Variants in CAPZA1 observed in about 807,000 individuals in gnomAD.
The protein encoded by CAPZA1 is F-actin-capping protein subunit alpha-1.
CAPZA1 carries 10 observed loss-of-function variants against 40.8 expected under a neutral mutation model. The ratio of observed to expected loss-of-function variants is 0.25; its 90% CI spans 0.15 to 0.42. The LOEUF (loss-of-function observed/expected upper bound fraction) is 0.42. Among genes scored for constraint, CAPZA1 ranks in the 10% least tolerant of loss-of-function variants. CAPZA1 has a pLI of 1.00. For missense variants in CAPZA1, 277 were observed against 353.8 expected, an observed-to-expected ratio of 0.78 and a Z score of 1.74; for synonymous variants, 98 against 115.0, an observed-to-expected ratio of 0.85 and a Z score of 0.95.
At chr1:112,620,674 G>A (rs1045987546) in intron 1 of CAPZA1, 1 of 152,222 alleles carries the variant, frequency 6.6e-6, no homozygotes, top group Admixed American at 6.5e-5. Context: ...ACTGAACAAA[G>A]CATCCTGCCT....
chr1:112,664,096 G>A (rs1174853200), intron 7 of CAPZA1, among the ~76,000 whole-genome samples: 1 of 152,038 alleles, frequency 6.6e-6, no homozygotes, highest in Non-Finnish European at 1.5e-5. Context: ...GCTGGCCATG[G>A]TGGCACGCAC....
intron 7 of CAPZA1, among the ~76,000 whole-genome samples, chr1:112,665,179 T>TG (rs1353307647): frequency 0.024 from 294 of 12,136 alleles, no homozygotes; most frequent in African/African-American, 0.038. Flanking sequence ...TTTTTTTGTG[T>TG]TTTTTTTTTT....
chr1:112,659,638 G>T, intron 6 of CAPZA1, 63 bp from the exon 7 acceptor site: 2 of 1,273,336 alleles, frequency 1.6e-6, no homozygotes, highest in South Asian at 1.3e-5. Context: ...GTACCTCAGT[G>T]GCAAATCACC....
chr1:112,636,410 C>A (rs908376345), intron 1 of CAPZA1, among the ~76,000 whole-genome samples: 2 of 151,960 alleles, frequency 1.3e-5, no homozygotes, highest in Non-Finnish European at 2.9e-5. Context: ...TTTAAATCCC[C>A]CCTTTTTAGG....
Position 112,667,137 on chromosome 1 carries a change from A to C in CAPZA1, c.649A>C (p.Thr217Pro), listed in dbSNP as rs1331497139. The change falls in exon 8 of 10, where the codon ACT (threonine) becomes CCT (proline). Residue 217 changes from threonine (T) to proline (P), a missense_variant. Coordinates refer to ENST00000263168, the MANE Select transcript of CAPZA1 (RefSeq NM_006135.3). ...VSHKDVQDSL[T>P]VSNEAQTAKE... ...TCATAAAGATGTACAGGATTCACTA[A>C]CTGTTTCGGTGAGTATGGAATATTT... The C allele has an allele frequency of 6.2e-7, 1 of 1,605,320 alleles. No homozygotes were observed.
Position 112,659,050 on chromosome 1 carries a change from A to T in CAPZA1, c.455A>T (p.Gln152Leu). The T allele has an allele frequency of 5.0e-6, 8 of 1,613,666 alleles. No individual in the cohort carries two copies. The highest frequency in any genetic ancestry group is 6.8e-6 in the Non-Finnish European group (8 of 1,179,658). The change falls in exon 6 of 10, where the codon CAG becomes CTG. Residue 152 changes from glutamine (Q) to leucine (L), a missense_variant. Physicochemically the swap from Gln to Leu is moderately radical, Grantham distance 113 (BLOSUM62 -2). Transcript: ENST00000263168. ...TVYAKTIDGQ[Q>L]TIIACIESHQ... ...TATGCTAAAACTATCGATGGGCAAC[A>T]GACTATTATTGCATGTATTGAAAGC...
intron 1 of CAPZA1, among the ~76,000 whole-genome samples, chr1:112,639,699 T>TAA (rs202231640): frequency 2.7e-5 from 4 of 148,652 alleles, no homozygotes; most frequent in African/African-American, 9.8e-5. Flanking sequence ...CCTTTCATCT[T>TAA]AAAAAAAAAA....
intron 2 of CAPZA1, among the ~76,000 whole-genome samples, chr1:112,648,422 C>A (rs1234106410): frequency 7.1e-6 from 1 of 139,892 alleles, no homozygotes; most frequent in Admixed American, 7.8e-5. Flanking sequence ...GATCTTGGCT[C>A]ACTGGAACCC....
At chr1:112,640,250 G>A (rs1570709290) in intron 1 of CAPZA1, among the ~76,000 whole-genome samples, 5 of 111,586 alleles carry the variant, frequency 4.5e-5, no homozygotes, top group Non-Finnish European at 5.8e-5. Context: ...GCCTCTGCCC[G>A]GCCGCCCCTA....
intron 7 of CAPZA1, among the ~76,000 whole-genome samples, chr1:112,660,406 G>A (rs531755997): frequency 7.2e-5 from 11 of 151,842 alleles, no homozygotes; most frequent in East Asian, 5.8e-4. Context: ...TCGGCCTCCC[G>A]AGTAGCTGGG....
At chr1:112,663,067 C>A (rs558455351) in intron 7 of CAPZA1, among the ~76,000 whole-genome samples, 1 of 152,010 alleles carries the variant, frequency 6.6e-6, no homozygotes, top group Admixed American at 6.5e-5. Flanking sequence ...TGGGTTCAAG[C>A]GATTCTCCTG....
At chr1:112,647,398 A>C in intron 2 of CAPZA1, 125 bp downstream of exon 2, 1 of 501,914 alleles carries the variant, frequency 2.0e-6, no homozygotes, top group Non-Finnish European at 3.3e-6. Flanking sequence ...AAAAAAATTG[A>C]AATAACTTGT....
At chr1:112,658,464 T>C (rs1671539999) in intron 5 of CAPZA1, among the ~76,000 whole-genome samples, 1 of 152,234 alleles carries the variant, frequency 6.6e-6, no homozygotes, top group African/African-American at 2.4e-5. Flanking sequence ...TCCTGTGGCC[T>C]CCTAACCAAG....
intron 1 of CAPZA1, among the ~76,000 whole-genome samples, chr1:112,629,176 T>C (rs1474316443): frequency 1.3e-5 from 2 of 152,210 alleles, no homozygotes; most frequent in Non-Finnish European, 2.9e-5. Context: ...CTCCTACATG[T>C]TCTTCTTCTG....
rs1165522915 is a variant in CAPZA1 at position 112,670,544 on chromosome 1, A to T, written c.*412A>T. The T allele has an allele frequency of 6.3e-6, 1 of 158,566 alleles. No homozygotes were observed. The highest frequency in any genetic ancestry group is 1.4e-5 in the Non-Finnish European group (1 of 72,194). The allele number at this position is 158,566 out of a possible 1,614,324, so 9.8% of individuals were successfully genotyped here. On this transcript the variant is annotated 3_prime_UTR_variant, in exon 10 of 10. Coordinates refer to ENST00000263168, the MANE Select transcript of CAPZA1 (RefSeq NM_006135.3). The stretch of plus-strand genomic sequence containing the variant: ...TCCTTCCAAGCACTTCTGGTACTTC[A>T]GTCGTTTTTACTGATCCACCAACAC...
At chr1:112,624,015 AAAAAAG>A (rs1450504543) in intron 1 of CAPZA1, among the ~76,000 whole-genome samples, 9 of 145,248 alleles carry the variant, frequency 6.2e-5, no homozygotes, top group South Asian at 2.2e-4. Flanking sequence ...CAAAAAAAAA[AAAAAAG>A]AAAAAAGAAA....
At position 112,670,152 on chromosome 1, in the gene CAPZA1, T is replaced by C. The variant is rs1256761871; in HGVS notation, c.*20T>C. On this transcript the variant is annotated 3_prime_UTR_variant, in exon 10 of 10. Coordinates refer to ENST00000263168, the MANE Select transcript of CAPZA1 (RefSeq NM_006135.3). ...GCTTAAAGGCTGAATGTAGGATTCT[T>C]CAGTATGTGGAAAGACAAGGATTCA... The C allele has an allele frequency of 6.2e-7, 1 of 1,613,106 alleles. No homozygotes were observed. Among genetic ancestry groups the C allele is most frequent in the Non-Finnish European group, 8.5e-7 (1 of 1,179,232 alleles).
intron 7 of CAPZA1, among the ~76,000 whole-genome samples, chr1:112,665,158 T>A (rs186648927): frequency 6.8e-6 from 1 of 146,586 alleles, no homozygotes; most frequent in South Asian, 2.2e-4. Context: ...ACTAGATGTC[T>A]TTGTTTGGGG....
chr1:112,628,686 G>A (rs1670861220), intron 1 of CAPZA1, among the ~76,000 whole-genome samples: 1 of 152,174 alleles, frequency 6.6e-6, no homozygotes, highest in South Asian at 2.1e-4. Context: ...TTACTAGCAG[G>A]GGAGTTTTGC....
Sources: allele counts gnomAD v4.1 joint callset (sites outside exome capture counted in the v4.1 genomes callset), GRCh38; gene constraint gnomAD v4.1.1; transcripts MANE v1.5; gene names NCBI Gene and HGNC (gene_info 2026-07-23, HGNC 2026-07-21).